Variants in ANKRD36B observed in about 807,000 individuals in gnomAD.
ANKRD36B encodes ankyrin repeat domain-containing protein 36B.
ANKRD36B carries 37 observed loss-of-function variants against 135.7 expected under a neutral mutation model. That is an observed-to-expected ratio of 0.27 (90% CI 0.21 to 0.36). The LOEUF is 0.36. ANKRD36B is among the 10% of genes least tolerant of loss of function. ANKRD36B has a pLI of 1.00. For synonymous variants in ANKRD36B, 179 were observed against 348.1 expected (o/e 0.51, Z 5.41); for missense variants, 549 against 1,037.1 (o/e 0.53, Z 6.46).
intron 16 of ANKRD36B, among the ~76,000 whole-genome samples, chr2:97,552,449 C>G (rs10209395): frequency 1.3e-5 from 2 of 151,660 alleles, no homozygotes; most frequent in South Asian, 4.2e-4. Context: ...TATCTCATTT[C>G]TATAACTAAA....
intron 10 of ANKRD36B, among the ~76,000 whole-genome samples, chr2:97,557,950 C>T (rs1442726063): frequency 6.6e-6 from 1 of 151,622 alleles, no homozygotes; most frequent in East Asian, 1.9e-4. Context: ...TTTTAAAAGT[C>T]AATTAATGAA....
Position 97,528,395 on chromosome 2 carries a change from T to G in ANKRD36B, c.2265+3916A>C, listed in dbSNP as rs1437555990. Among the ~76,000 whole-genome samples, 2 of 93,462 alleles carry G rather than the reference T, an allele frequency of 2.1e-5. 1 individual carries two copies. The highest frequency in any genetic ancestry group is 5.7e-5 in the Non-Finnish European group (2 of 35,318). 61.3% of individuals were successfully genotyped at this position (93,462 alleles called of 152,430 possible). A position where few individuals can be genotyped will look rare whatever the true frequency, so the allele number is the denominator to read the frequency against. On this transcript the variant is annotated intron_variant, in intron 35 of 43. Coordinates refer to ENST00000359901, the MANE Select transcript of ANKRD36B (RefSeq NM_001393939.1). ...AACATACCAGAATCTCTGGGACACA[T>G]TCAAAGCAGTGTACAGTGGGAAATT...
intron 22 of ANKRD36B, 117 bp downstream of exon 22, chr2:97,547,419 T>G: frequency 8.8e-7 from 1 of 1,134,378 alleles, no homozygotes; most frequent in East Asian, 2.6e-5. Context: ...ATGAAGAATC[T>G]CAGGACTGCT....
In ANKRD36B at chr2:97,578,924, C is replaced by T. The variant is rs371458598; in HGVS notation, c.677G>A (p.Ser226Asn). 1.9e-6 allele frequency: 3 copies of T among 1,612,756 alleles called. No homozygotes were observed. The South Asian group carries it at 3.3e-5, about 18-fold the overall frequency. Residue 226 changes from serine (S) to asparagine (N), a missense_variant, in exon 5 of 44, where the codon AGT becomes AAT. Physicochemically the swap from Ser to Asn is conservative, Grantham distance 46 (BLOSUM62 1). Coordinates refer to ENST00000359901, the MANE Select transcript of ANKRD36B (RefSeq NM_001393939.1). Reference sequence around the variant, plus strand: ...GACTTACACTCTATTCTCAGCCTCACTGGCATAATCTTCTGCAAGCTTTCC... The same window carrying T: ...GACTTACACTCTATTCTCAGCCTCATTGGCATAATCTTCTGCAAGCTTTCC... ...VYGKLAEDYA[S>N]EAENRVIFDL...
intron 4 of ANKRD36B, 53 bp downstream of exon 4, chr2:97,580,409 T>C: frequency 4.2e-6 from 6 of 1,443,384 alleles, no homozygotes; most frequent in Non-Finnish European, 5.6e-6. Flanking sequence ...CTGCTACCAC[T>C]CTAAAATGAC....
chr2:97,575,958 C>T (rs949022073), intron 6 of ANKRD36B, among the ~76,000 whole-genome samples: 2 of 151,376 alleles, frequency 1.3e-5, no homozygotes, highest in Non-Finnish European at 3.0e-5. Context: ...GGATTGGCAG[C>T]ACTAAATCCC....
chr2:97,575,759 AATTTACTTT>A (rs2082190185), intron 6 of ANKRD36B, among the ~76,000 whole-genome samples: 2 of 151,942 alleles, frequency 1.3e-5, no homozygotes, highest in African/African-American at 4.8e-5. Flanking sequence ...AAATGGAGTA[AATTTACTTT>A]ATTTTACCGT....
intron 16 of ANKRD36B, among the ~76,000 whole-genome samples, chr2:97,552,773 A>G (rs1559171238): frequency 6.6e-6 from 1 of 151,888 alleles, no homozygotes; most frequent in Non-Finnish European, 1.5e-5. Flanking sequence ...GGTTATTACT[A>G]TCAGTTTTCT....
chr2:97,533,733 C>T lies in ANKRD36B; in HGVS notation c.2192-1349G>A, dbSNP rs1242570642. Reference sequence around the variant, plus strand: ...CCCTGTCAAGAACTTTCTGAATCCACTCATGCAAGAAGATATGTAAACCAC... The same window carrying T: ...CCCTGTCAAGAACTTTCTGAATCCATTCATGCAAGAAGATATGTAAACCAC... On this transcript the variant is annotated intron_variant, in intron 34 of 43. Transcript: ENST00000359901. Among the ~76,000 whole-genome samples the T allele has an allele frequency of 4.2e-5, 4 of 94,800 alleles. 2 individuals are homozygous for T. Among genetic ancestry groups the T allele is most frequent in the African/African-American group, 6.3e-5 (2 of 31,498 alleles). The allele number at this position is 94,800 out of a possible 152,430, so 62.2% of individuals were successfully genotyped here.
chr2:97,586,845 G>C (rs2083036410), intron 1 of ANKRD36B, among the ~76,000 whole-genome samples: 1 of 152,094 alleles, frequency 6.6e-6, no homozygotes, highest in African/African-American at 2.4e-5. Context: ...CCTCTGAAGA[G>C]GCTAAAAGTT....
Position 97,557,153 on chromosome 2 carries a change from A to G in ANKRD36B, c.968-21T>C, listed in dbSNP as rs895854210. 2.7e-6 allele frequency: 4 copies of G among 1,504,892 alleles called. No individual in the cohort carries two copies. In the African/African-American group the frequency reaches 4.2e-5, roughly 16 times the overall value. 93.2% of individuals were successfully genotyped at this position (1,504,892 alleles called of 1,614,324 possible). ...AGACACTGAAAAGTAAAAGAAATAT[A>G]TAATTCATCATATGTAAATATGACA... On this transcript the variant is annotated intron_variant, in intron 10 of 43. Coordinates refer to ENST00000359901, the MANE Select transcript of ANKRD36B (RefSeq NM_001393939.1).
In ANKRD36B at chr2:97,515,031, G is replaced by A. The variant is rs554281502; in HGVS notation, c.2621+701C>T. On this transcript the variant is annotated intron_variant, in intron 37 of 43. Transcript: ENST00000359901. ...TGATTCTCCTGCCTCAGCCTCCTGC[G>A]TAGCTGGGATTACAGGTACAACCAC... 1.9e-4 allele frequency among the ~76,000 whole-genome samples: 15 copies of A among 78,484 alleles called. 3 individuals are homozygous for A. Among genetic ancestry groups the A allele is most frequent in the African/African-American group, 6.0e-4 (15 of 24,852 alleles). 51.5% of individuals were successfully genotyped at this position (78,484 alleles called of 152,430 possible). A position where few individuals can be genotyped will look rare whatever the true frequency, so the allele number is the denominator to read the frequency against.
Position 97,585,099 on chromosome 2 carries a change from C to A in ANKRD36B, c.295G>T (p.Glu99Ter), listed in dbSNP as rs552438107. Reference protein sequence around the residue: ...PLIKAVQLRQEACATLLLQNG... With the variant: ...PLIKAVQLRQ The stretch of plus-strand genomic sequence containing the variant: ...TGCAGCAGAAGAGTTGCACAAGCCT[C>A]CTGCCTCAGTTGTACAGCCTGTCAG... The change falls in exon 3 of 44, where the codon GAG becomes TAG. Residue 99 changes from glutamate to a stop codon, truncating the protein, a stop_gained. Transcript: ENST00000359901. LOFTEE classifies it high-confidence loss of function. The A allele has an allele frequency of 6.2e-7, 1 of 1,613,292 alleles. No individual in the cohort carries two copies. The highest frequency in any genetic ancestry group is 2.2e-5 in the East Asian group (1 of 44,888).
chr2:97,555,977 G>A (rs2104717672), intron 12 of ANKRD36B, among the ~76,000 whole-genome samples: 1 of 151,856 alleles, frequency 6.6e-6, no homozygotes, highest in East Asian at 2.0e-4. Flanking sequence ...AAAATGCAAT[G>A]GCTCCTGGCA....
chr2:97,528,890 T>G (rs1352294247), intron 35 of ANKRD36B, among the ~76,000 whole-genome samples: 1 of 95,382 alleles, frequency 1.0e-5, no homozygotes, highest in African/African-American at 3.2e-5. Context: ...AATAACAGGC[T>G]CTGAAATTGT....
At chr2:97,547,378 A>T (rs1162765877) in intron 22 of ANKRD36B, 158 bp downstream of exon 22, 18 of 893,252 alleles carry the variant, frequency 2.0e-5, no homozygotes. Context: ...CCAGACCAGC[A>T]GCAACACTAT....
In ANKRD36B at chr2:97,538,481, T is replaced by G. The variant is rs2078999046; in HGVS notation, c.1988-118A>C. ...CTGCCTGTACTAGTGTAGGATTTGA[T>G]GTTTTACAGTTTGTGTCTTTGGGAC... On this transcript the variant is annotated intron_variant, in intron 30 of 43. Coordinates refer to ENST00000359901, the MANE Select transcript of ANKRD36B (RefSeq NM_001393939.1). 2 of 532,488 alleles carry G rather than the reference T, an allele frequency of 3.8e-6. 1 individual carries two copies. The highest frequency in any genetic ancestry group is 4.2e-5 in the African/African-American group (2 of 48,162). 33.0% of individuals were successfully genotyped at this position (532,488 alleles called of 1,614,324 possible). A position where few individuals can be genotyped will look rare whatever the true frequency, so the allele number is the denominator to read the frequency against.
rs1349387919 is a variant in ANKRD36B, at chr2:97,545,169, A to G, written c.1681+497T>C. 2.1e-5 allele frequency among the ~76,000 whole-genome samples: 2 copies of G among 95,788 alleles called. 1 individual carries two copies. Among genetic ancestry groups the G allele is most frequent in the Non-Finnish European group, 5.6e-5 (2 of 35,714 alleles). 62.8% of individuals were successfully genotyped at this position (95,788 alleles called of 152,430 possible). ...TCAGCAGAAATCCCAAATTACATAA[A>G]TAACTTCTTCTTTTCTCTCCTTCCT... On this transcript the variant is annotated intron_variant, in intron 24 of 43. Transcript: ENST00000359901.
rs2078730408 is a variant in ANKRD36B, at chr2:97,533,951, G to A, written c.2192-1567C>T. On this transcript the variant is annotated intron_variant, in intron 34 of 43. Coordinates refer to ENST00000359901, the MANE Select transcript of ANKRD36B (RefSeq NM_001393939.1). ...TGTGCCTGTAATCCCAGCTACTCAG[G>A]AGGCTGAGGCAGGAGAATCGCTTTA... Among the ~76,000 whole-genome samples the A allele has an allele frequency of 3.2e-5, 3 of 93,570 alleles. 1 individual carries two copies. Among genetic ancestry groups the A allele is most frequent in the Non-Finnish European group, 8.4e-5 (3 of 35,510 alleles). The allele number at this position is 93,570 out of a possible 152,430, so 61.4% of individuals were successfully genotyped here.
Sources: gnomAD v4.1 joint callset for allele counts (sites outside exome capture counted in the v4.1 genomes callset) on GRCh38, gnomAD v4.1.1 for gene constraint, MANE v1.5 for transcripts, NCBI Gene and HGNC (gene_info 2026-07-23, HGNC 2026-07-21) for gene names.